The following TANGO6 variants were observed in gnomAD, a reference collection of about 807,000 sequenced individuals.
The protein encoded by TANGO6 is transport and Golgi organization protein 6 homolog.
A neutral mutation model predicts 114.2 loss-of-function variants in TANGO6; 90 were observed. That is an observed-to-expected ratio of 0.79 (90% confidence interval 0.66 to 0.94). The LOEUF (loss-of-function observed/expected upper bound fraction) is 0.94, where lower values mean the gene tolerates loss of function less well. Among genes scored for constraint, TANGO6 ranks in the 40% least tolerant of loss-of-function variants. The pLI is 0.00. For synonymous variants in TANGO6, 477 were observed against 509.8 expected, an observed-to-expected ratio of 0.94 and a Z score of 0.87; for missense variants, 1,274 against 1,315.3, an observed-to-expected ratio of 0.97 and a Z score of 0.49.
intron 14 of TANGO6, among the ~76,000 whole-genome samples, chr16:68,953,050 TTTATTATTATTATTA>T (rs71383944): frequency 7.2e-5 from 10 of 139,214 alleles, no homozygotes; most frequent in South Asian, 4.6e-4. Flanking sequence ...ACAGGTATTT[TTTATTATTATTATTA>T]TTATTATTAT....
intron 16 of TANGO6, among the ~76,000 whole-genome samples, chr16:69,028,496 G>T (rs1433020863): frequency 1.3e-5 from 2 of 151,984 alleles, no homozygotes; most frequent in African/African-American, 4.8e-5. Flanking sequence ...AGCCAGGCGT[G>T]GTGGCACATG....
intron 7 of TANGO6, among the ~76,000 whole-genome samples, chr16:68,891,899 GGA>G (rs1353272826): frequency 2.2e-4 from 32 of 144,832 alleles, no homozygotes; most frequent in African/African-American, 7.7e-4. Flanking sequence ...AAGGAGGGAG[GGA>G]GAGAGGAAGG....
At chr16:68,977,492 T>A (rs189973897) in intron 15 of TANGO6, among the ~76,000 whole-genome samples, 222 of 150,920 alleles carry the variant, frequency 1.5e-3, no homozygotes, top group African/African-American at 4.8e-3. Context: ...GAGACGACGA[T>A]CAAGAGATCG....
At chr16:69,018,987 G>T (rs1959356026) in intron 15 of TANGO6, among the ~76,000 whole-genome samples, 1 of 152,168 alleles carries the variant, frequency 6.6e-6, no homozygotes, top group Admixed American at 6.5e-5. Context: ...GTGCATATTT[G>T]CATACATAAA....
chr16:68,884,629 A>T (rs951322868), intron 7 of TANGO6, among the ~76,000 whole-genome samples: 2 of 152,166 alleles, frequency 1.3e-5, no homozygotes, highest in African/African-American at 2.4e-5. Flanking sequence ...TACTGTCAGG[A>T]TAGGGGTAAG....
intron 15 of TANGO6, among the ~76,000 whole-genome samples, chr16:68,988,240 A>G (rs952882113): frequency 3.9e-5 from 6 of 152,206 alleles, no homozygotes; most frequent in Admixed American, 3.3e-4. Context: ...GCCAGTGATC[A>G]GTTATTCCTC....
At chr16:68,877,076 C>T (rs937402977) in intron 5 of TANGO6, among the ~76,000 whole-genome samples, 1 of 152,158 alleles carries the variant, frequency 6.6e-6, no homozygotes, top group African/African-American at 2.4e-5. Flanking sequence ...AGGTTTTATG[C>T]ATTTAAATTT....
Position 69,022,823 on chromosome 16 carries a change from T to A in TANGO6, c.2843-5T>A. 6.4e-7 allele frequency: 1 copy of A among 1,569,868 alleles called. No homozygotes were observed. ...GGGGTTTTGATTTCTTCCTTTTTCC[T>A]ATAGGAGACATGGTCTCAAAGTACC... is the stretch of plus-strand genomic sequence containing the variant. On this transcript the variant is annotated splice_region_variant and splice_polypyrimidine_tract_variant and intron_variant, in intron 15 of 17. Transcript: ENST00000261778.
chr16:68,974,040 T>C lies in TANGO6; in HGVS notation c.2714T>C (p.Leu905Pro), dbSNP rs764005097. 1.2e-6 allele frequency: 2 copies of C among 1,608,704 alleles called. No individual in the cohort carries two copies. The highest frequency in any genetic ancestry group is 1.7e-6 in the Non-Finnish European group (2 of 1,177,612). Reference protein sequence around the residue: ...YLSAIQGVALLSDVYPEKILP... With the variant: ...YLSAIQGVALPSDVYPEKILP... ...TTTTCAACCCCAGGGGTTGCCCTGC[T>C]GTCAGACGTCTATCCTGAGAAAATC... The change falls in exon 15 of 18, where the codon CTG becomes CCG. Residue 905 changes from leucine (L) to proline (P), a missense_variant. By Grantham distance (98) the Leu-to-Pro change is moderately conservative (BLOSUM62 -3). Transcript: ENST00000261778.
intron 4 of TANGO6, among the ~76,000 whole-genome samples, chr16:68,873,339 G>GTT (rs1436998499): frequency 4.6e-5 from 7 of 152,014 alleles, no homozygotes; most frequent in African/African-American, 1.7e-4. Flanking sequence ...TTGAGACAGA[G>GTT]TTTTGCTCTT....
intron 12 of TANGO6, 110 bp from the exon 13 acceptor site, chr16:68,927,458 G>C: frequency 1.7e-6 from 2 of 1,196,310 alleles, no homozygotes; most frequent in Non-Finnish European, 2.4e-6. Context: ...TACACCATGA[G>C]CAAGATTTGA....
chr16:68,920,212 T>C (rs1465203376), intron 12 of TANGO6, among the ~76,000 whole-genome samples: 1 of 152,142 alleles, frequency 6.6e-6, no homozygotes, highest in Non-Finnish European at 1.5e-5. Context: ...TACTTAGAAT[T>C]GAATGAAGGG....
At chr16:69,033,560 A>T (rs1390103761) in intron 16 of TANGO6, 1 of 152,228 alleles carries the variant, frequency 6.6e-6, no homozygotes, top group East Asian at 1.9e-4. Flanking sequence ...CAAGAAGGTT[A>T]TGTTGATCAA....
chr16:69,010,446 G>A (rs577104008), intron 15 of TANGO6, among the ~76,000 whole-genome samples: 15 of 152,064 alleles, frequency 9.9e-5, no homozygotes, highest in African/African-American at 2.4e-4. Flanking sequence ...ATTTGACACC[G>A]CCTGTTTCTG....
intron 14 of TANGO6, among the ~76,000 whole-genome samples, chr16:68,940,507 A>G (rs1450733158): frequency 3.3e-5 from 5 of 152,130 alleles, no homozygotes; most frequent in Admixed American, 2.0e-4. Context: ...TCTTAGGAAA[A>G]GCTGTTTGCA....
At chr16:69,041,768 T>G (rs1959778129) in intron 17 of TANGO6, among the ~76,000 whole-genome samples, 1 of 152,224 alleles carries the variant, frequency 6.6e-6, no homozygotes, top group Non-Finnish European at 1.5e-5. Flanking sequence ...CATGTTCAAC[T>G]ACAAATTAGA....
At chr16:68,980,435 AT>A (rs1291932299) in intron 15 of TANGO6, among the ~76,000 whole-genome samples, 2,394 of 61,548 alleles carry the variant, frequency 0.039, 44 homozygotes, top group Non-Finnish European at 0.047. Context: ...ATATATATAT[AT>A]TTTTTTTTTT....
At chr16:68,889,193 A>G (rs111403814) in intron 7 of TANGO6, among the ~76,000 whole-genome samples, 3 of 152,222 alleles carry the variant, frequency 2.0e-5, no homozygotes, top group Admixed American at 6.5e-5. Flanking sequence ...GGGAGTTCCC[A>G]TATATCTATC....
intron 17 of TANGO6, among the ~76,000 whole-genome samples, chr16:69,045,697 C>G (rs766769879): frequency 3.3e-5 from 5 of 151,032 alleles, no homozygotes; most frequent in Non-Finnish European, 5.9e-5. Context: ...GAGCTGAGAC[C>G]GTGCCACTGC....
Sources: allele counts gnomAD v4.1 joint callset (sites outside exome capture counted in the v4.1 genomes callset), GRCh38; gene constraint gnomAD v4.1.1; transcripts MANE v1.5; gene names NCBI Gene and HGNC (gene_info 2026-07-23, HGNC 2026-07-21).